SLC25A13: variants seen among roughly 807,000 people sequenced by gnomAD.
SLC25A13 encodes the protein electrogenic aspartate/glutamate antiporter SLC25A13, mitochondrial.
In SLC25A13, 70 loss-of-function variants were observed where a neutral mutation model predicts 85.5. The observed-to-expected ratio is 0.82, with a 90% CI of 0.68 to 1.00. The LOEUF is 1.00. SLC25A13 is among the 50% of genes least tolerant of loss of function. The probability of loss-of-function intolerance (pLI) is 0.00; values close to 1 mark genes in which losing one functional copy is unlikely to be tolerated. For synonymous variants in SLC25A13, 259 were observed against 288.7 expected, an observed-to-expected ratio of 0.90 and a Z score of 1.04; for missense variants, 765 against 819.8, an observed-to-expected ratio of 0.93 and a Z score of 0.82.
At chr7:96,287,920 C>T (rs1798952458) in intron 2 of SLC25A13, among the ~76,000 whole-genome samples, 1 of 152,192 alleles carries the variant, frequency 6.6e-6, no homozygotes. Flanking sequence ...TACTTTTCTG[C>T]AAGTGATCTT....
At position 96,170,233 on chromosome 7, in the gene SLC25A13, GGAGTA is replaced by G. The variant is rs1447814372; in HGVS notation, c.1231-113_1231-109del. ...TGCTATTTTTTTCTATCAGTCTATT[GGAGTA>G]ATCATAAATTGCACAATTTAACAGA... On this transcript the variant is annotated intron_variant, in intron 12 of 17. Coordinates refer to ENST00000265631, the MANE Select transcript of SLC25A13 (RefSeq NM_014251.3). 3.1e-4 allele frequency: 294 copies of G among 957,004 alleles called. 1 individual carries two copies. The East Asian group carries it at 7.3e-3, about 24-fold the overall frequency. 59.3% of individuals were successfully genotyped at this position (957,004 alleles called of 1,614,324 possible).
At position 96,234,464 on chromosome 7, in the gene SLC25A13, C is replaced by T. The variant is rs566339912; in HGVS notation, c.328+338G>A. On this transcript the variant is annotated intron_variant, in intron 4 of 17. Coordinates refer to ENST00000265631, the MANE Select transcript of SLC25A13 (RefSeq NM_014251.3). ...TGTGTAGGCAGATTATTCACTTCTT[C>T]GTTCTATCAGTGGAAAGCACTACTG... Among the ~76,000 whole-genome samples the T allele has an allele frequency of 3.1e-4, 47 of 152,208 alleles. 1 individual carries two copies. In the South Asian group the frequency reaches 3.9e-3, roughly 13 times the overall value.
chr7:96,308,211 T>G (rs2117019644), intron 1 of SLC25A13, among the ~76,000 whole-genome samples: 1 of 151,948 alleles, frequency 6.6e-6, no homozygotes, highest in South Asian at 2.1e-4. Context: ...TGACCTCTTG[T>G]TTTCTCATCT....
intron 3 of SLC25A13, among the ~76,000 whole-genome samples, chr7:96,274,574 G>A (rs1469746505): frequency 6.6e-6 from 1 of 152,134 alleles, no homozygotes; most frequent in Non-Finnish European, 1.5e-5. Context: ...TAGACATGAA[G>A]TCCTTGCACA....
chr7:96,249,086 G>A lies in SLC25A13; in HGVS notation c.213-14169C>T, dbSNP rs372139635. On this transcript the variant is annotated intron_variant, in intron 3 of 17. Transcript: ENST00000265631. ...CTCGGAAGGCTAACGTGGGAGGGTC[G>A]CTTGAGCCCAGGAGTTTGAGACCAG... Among the ~76,000 whole-genome samples, 96 of 152,282 alleles carry A rather than the reference G, an allele frequency of 6.3e-4. No individual in the cohort carries two copies. In the South Asian group the frequency reaches 0.019, roughly 30 times the overall value.
chr7:96,134,580 C>T (rs1285031682), intron 14 of SLC25A13, among the ~76,000 whole-genome samples: 1 of 151,818 alleles, frequency 6.6e-6, no homozygotes, highest in African/African-American at 2.4e-5. Context: ...CATGAAGAAT[C>T]AGTTGGGTCT....
chr7:96,223,672 C>A (rs191272356), intron 4 of SLC25A13, among the ~76,000 whole-genome samples: 2 of 152,076 alleles, frequency 1.3e-5, no homozygotes, highest in African/African-American at 2.4e-5. Context: ...CCTGTAGTCC[C>A]GGCTACCCGG....
At chr7:96,269,873 T>G (rs1455821285) in intron 3 of SLC25A13, among the ~76,000 whole-genome samples, 2 of 152,168 alleles carry the variant, frequency 1.3e-5, no homozygotes, top group African/African-American at 4.8e-5. Context: ...AGACAAATAC[T>G]ACATGATCTC....
chr7:96,249,341 C>T (rs1191938473), intron 3 of SLC25A13, among the ~76,000 whole-genome samples: 1 of 152,206 alleles, frequency 6.6e-6, no homozygotes, highest in Non-Finnish European at 1.5e-5. Flanking sequence ...AAAAGACATA[C>T]ACATCTTTCA....
chr7:96,247,548 G>A (rs945556817), intron 3 of SLC25A13, among the ~76,000 whole-genome samples: 3 of 152,100 alleles, frequency 2.0e-5, no homozygotes, highest in African/African-American at 7.2e-5. Flanking sequence ...TTGTATCTCA[G>A]ATGAAAGATT....
At chr7:96,251,160 G>A (rs1199918519) in intron 3 of SLC25A13, among the ~76,000 whole-genome samples, 1 of 152,152 alleles carries the variant, frequency 6.6e-6, no homozygotes, top group East Asian at 1.9e-4. Flanking sequence ...AGAAGGAAGA[G>A]GAAGTACAAG....
intron 4 of SLC25A13, among the ~76,000 whole-genome samples, chr7:96,212,242 G>C (rs1422409414): frequency 1.3e-5 from 2 of 152,136 alleles, no homozygotes; most frequent in Non-Finnish European, 2.9e-5. Context: ...TTAGCTTTGT[G>C]GCTGTTCCAA....
At chr7:96,237,850 A>G (rs532529246) in intron 3 of SLC25A13, among the ~76,000 whole-genome samples, 38 of 152,362 alleles carry the variant, frequency 2.5e-4, no homozygotes, top group Non-Finnish European at 4.3e-4. Flanking sequence ...GATAAACAAG[A>G]AAAAAGAAAA....
At chr7:96,132,286 G>A (rs1792066381) in intron 14 of SLC25A13, among the ~76,000 whole-genome samples, 1 of 152,122 alleles carries the variant, frequency 6.6e-6, no homozygotes, top group African/African-American at 2.4e-5. Context: ...TTACACACTA[G>A]GAAGTAGACA....
At chr7:96,230,906 C>T (rs1439643460) in intron 4 of SLC25A13, among the ~76,000 whole-genome samples, 1 of 152,140 alleles carries the variant, frequency 6.6e-6, no homozygotes, top group Admixed American at 6.5e-5. Flanking sequence ...GTCAAGAGTT[C>T]GAGACCAGCT....
chr7:96,287,358 C>T (rs1230884025), intron 2 of SLC25A13, among the ~76,000 whole-genome samples: 3 of 152,178 alleles, frequency 2.0e-5, no homozygotes. Context: ...GGACTCCAAG[C>T]CACACAAACT....
At chr7:96,206,439 T>C (rs551306257) in intron 5 of SLC25A13, among the ~76,000 whole-genome samples, 1 of 152,252 alleles carries the variant, frequency 6.6e-6, no homozygotes, top group African/African-American at 2.4e-5. Context: ...TCTACCTACA[T>C]TCAGAAAAGA....
intron 1 of SLC25A13, among the ~76,000 whole-genome samples, chr7:96,308,151 C>CT (rs1799825899): frequency 7.1e-6 from 1 of 140,834 alleles, no homozygotes; most frequent in African/African-American, 2.7e-5. Context: ...GAAACTCCAT[C>CT]TCCAAAAAAA....
chr7:96,322,049 G>A lies in SLC25A13; in HGVS notation c.-93C>T, dbSNP rs914812704. On this transcript the variant is annotated 5_prime_UTR_variant, in exon 1 of 18. Transcript: ENST00000265631. The stretch of plus-strand genomic sequence containing the variant: ...GCTCACTTCTAGTCCCGGCGGCGGC[G>A]GCGGTGGGGGCGGCGATACGGCCAG... 8 of 1,483,410 alleles carry A rather than the reference G, an allele frequency of 5.4e-6. No individual in the cohort carries two copies. Among genetic ancestry groups the A allele is most frequent in the Non-Finnish European group, 6.3e-6 (7 of 1,104,768 alleles). The allele number at this position is 1,483,410 out of a possible 1,614,324, so 91.9% of individuals were successfully genotyped here. A position where few individuals can be genotyped will look rare whatever the true frequency, so the allele number is the denominator to read the frequency against.
Sources: gnomAD v4.1 joint callset for allele counts (sites outside exome capture counted in the v4.1 genomes callset) on GRCh38, gnomAD v4.1.1 for gene constraint, MANE v1.5 for transcripts, NCBI Gene and HGNC (gene_info 2026-07-23, HGNC 2026-07-21) for gene names.